The following POU2F2 variants were observed in gnomAD, a reference collection of about 807,000 sequenced individuals.
POU2F2 encodes POU class 2 homeobox 2, also known as POU domain, class 2, transcription factor 2.
In POU2F2, 14 loss-of-function variants were observed where a neutral mutation model predicts 63.5. The observed-to-expected ratio is 0.22, with a 90% CI of 0.15 to 0.34. The LOEUF (loss-of-function observed/expected upper bound fraction) is 0.34, where lower values mean the gene tolerates loss of function less well. Ranked by LOEUF, POU2F2 falls within the 10% of genes least tolerant of loss-of-function variation. The pLI is 1.00. For missense variants in POU2F2, 607 were observed against 815.2 expected, an observed-to-expected ratio of 0.74 and a Z score of 3.11; for synonymous variants, 306 against 348.6, an observed-to-expected ratio of 0.88 and a Z score of 1.36.
At chr19:42,130,873 T>A (rs947922616) in intron 1 of POU2F2, among the ~76,000 whole-genome samples, 2 of 136,898 alleles carry the variant, frequency 1.5e-5, no homozygotes, top group East Asian at 2.2e-4. Flanking sequence ...GCCCAACCCC[T>A]CTACCTATGT....
chr19:42,095,975 TC>T lies in POU2F2; in HGVS notation c.730-47del. 2 of 1,601,188 alleles carry T rather than the reference TC, an allele frequency of 1.2e-6. No homozygotes were observed. The highest frequency in any genetic ancestry group is 1.7e-6 in the Non-Finnish European group (2 of 1,173,428). ...AGGGCCCGAAGTCAGGGTGGGGCCT[TC>T]CGGCACTGGGCCCGCTCCGCCCGCC... On this transcript the variant is annotated intron_variant, in intron 8 of 14. Coordinates refer to ENST00000692977, the MANE Select transcript of POU2F2 (RefSeq NM_001394376.1). This position sits in a 1 kb window ranked among gnomAD's most constrained non-coding sequence, Gnocchi z 7.1.
At chr19:42,098,487 AC>A (rs2077009375) in intron 7 of POU2F2, among the ~76,000 whole-genome samples, 1 of 150,974 alleles carries the variant, frequency 6.6e-6, no homozygotes, top group African/African-American at 2.4e-5. Flanking sequence ...CCCGGCCCCC[AC>A]CCCCACTAGG....
At chr19:42,099,937 TGG>T in intron 5 of POU2F2, 116 bp from the exon 6 acceptor site, 1 of 800,836 alleles carries the variant, frequency 1.2e-6, no homozygotes, top group Non-Finnish European at 2.0e-6. Flanking sequence ...CATGGCGATC[TGG>T]CACTGGGCAG....
chr19:42,181,760 T>C (rs1289899342), intron 1 of POU2F2, among the ~76,000 whole-genome samples: 5 of 152,014 alleles, frequency 3.3e-5, no homozygotes, highest in Non-Finnish European at 5.9e-5. Flanking sequence ...CTAATTTTTG[T>C]ATTTTTTAGT....
At chr19:42,170,233 G>A (rs1181740594) in intron 1 of POU2F2, among the ~76,000 whole-genome samples, 1 of 151,966 alleles carries the variant, frequency 6.6e-6, no homozygotes, top group Non-Finnish European at 1.5e-5. Context: ...CATGCTCCGA[G>A]GGAGATGCTG....
At chr19:42,177,058 G>A (rs1433791198), upstream of POU2F2, 1 of 151,634 alleles carries the variant, frequency 6.6e-6, no homozygotes, top group Non-Finnish European at 1.5e-5. Context: ...GAGGGAGGAA[G>A]GGAGGGCAGG....
rs1238059660 is a variant in POU2F2, at chr19:42,089,301, G to A, written c.*1956C>T. ...AGGAAGGAGGGGAGGAGAGAGGTCA[G>A]ACAAAAGAGAACCGAAAAAGAAATC... On this transcript the variant is annotated 3_prime_UTR_variant, in exon 15 of 15. Transcript: ENST00000692977. 1 of 152,586 alleles carries A rather than the reference G, an allele frequency of 6.6e-6. No homozygotes were observed. The highest frequency in any genetic ancestry group is 1.5e-5 in the Non-Finnish European group (1 of 68,030). The allele number at this position is 152,586 out of a possible 1,614,324, so 9.5% of individuals were successfully genotyped here.
intron 1 of POU2F2, among the ~76,000 whole-genome samples, chr19:42,168,903 G>A (rs2034703375): frequency 6.6e-6 from 1 of 152,122 alleles, no homozygotes; most frequent in Non-Finnish European, 1.5e-5. Context: ...CCCTCCTGTA[G>A]CCCCTTTTTC....
chr19:42,151,622 G>C (rs965031478), intron 2 of POU2F2, among the ~76,000 whole-genome samples: 1 of 152,224 alleles, frequency 6.6e-6, no homozygotes, highest in South Asian at 2.1e-4. Context: ...GGATGGGGGT[G>C]GGGGGAAACT....
At chr19:42,176,973 G>A (rs2034895804), upstream of POU2F2, among the ~76,000 whole-genome samples, 1 of 146,848 alleles carries the variant, frequency 6.8e-6, no homozygotes, top group Admixed American at 6.8e-5. Context: ...ATATTAATAT[G>A]CAAAGTTTTA....
At chr19:42,161,035 G>A (rs1268135471) in intron 1 of POU2F2, among the ~76,000 whole-genome samples, 1 of 152,172 alleles carries the variant, frequency 6.6e-6, no homozygotes, top group East Asian at 1.9e-4. Flanking sequence ...AATTAGACAA[G>A]GTCTCTGCTC....
intron 2 of POU2F2, among the ~76,000 whole-genome samples, chr19:42,154,928 G>A (rs1181665332): frequency 3.9e-5 from 6 of 152,144 alleles, no homozygotes; most frequent in East Asian, 3.9e-4. Context: ...AGCCAGAGCC[G>A]ACTGGGACCT....
intron 12 of POU2F2, 106 bp downstream of exon 12, chr19:42,093,723 G>T: frequency 1.7e-6 from 2 of 1,164,186 alleles, no homozygotes; most frequent in Non-Finnish European, 2.5e-6. Flanking sequence ...CACTCCCCAG[G>T]CCCAGTCTTG....
rs200818855 is a variant in POU2F2, at chr19:42,130,096, A to C, written c.28+2288T>G. On this transcript the variant is annotated intron_variant, in intron 1 of 14. Transcript: ENST00000692977. The stretch of plus-strand genomic sequence containing the variant: ...CACACTCTCACACTGAGTGACACAC[A>C]GCCAGCCAGACACACGTAAAAAGTA... Among the ~76,000 whole-genome samples, 38 of 152,280 alleles carry C rather than the reference A, an allele frequency of 2.5e-4. No homozygotes were observed. The East Asian group carries it at 6.2e-3, about 25-fold the overall frequency.
chr19:42,192,808 G>C (rs1973763856), intron 1 of POU2F2, among the ~76,000 whole-genome samples: 1 of 152,134 alleles, frequency 6.6e-6, no homozygotes, highest in Non-Finnish European at 1.5e-5. Flanking sequence ...TAAAGCATCT[G>C]ACAACACATA....
chr19:42,196,922 C>T (rs2035155988), upstream of POU2F2, among the ~76,000 whole-genome samples: 1 of 152,198 alleles, frequency 6.6e-6, no homozygotes, highest in Non-Finnish European at 1.5e-5. Flanking sequence ...GGGGAGGTGA[C>T]CCAGAGAATG....
At chr19:42,178,548 G>A (rs1010929453), upstream of POU2F2, among the ~76,000 whole-genome samples, 27 of 149,960 alleles carry the variant, frequency 1.8e-4, no homozygotes, top group Non-Finnish European at 3.8e-4. Context: ...AGAAAGAGCC[G>A]TTGAAAGAGC....
intron 1 of POU2F2, among the ~76,000 whole-genome samples, chr19:42,171,234 C>T (rs1046475484): frequency 6.6e-6 from 1 of 152,076 alleles, no homozygotes; most frequent in African/African-American, 2.4e-5. Flanking sequence ...TGTGGAAGTC[C>T]GCTTGTAGGT....
Position 42,116,838 on chromosome 19 carries a change from A to AGAGGAG in POU2F2, c.369+406_369+411dup, listed in dbSNP as rs748467945. ...GGGGCTGTGAGGTCGAGGAGGAGGC[A>AGAGGAG]GAGGAGGAGGAGGAGGAGGAAGTAG... On this transcript the variant is annotated intron_variant, in intron 5 of 14. Coordinates refer to ENST00000692977, the MANE Select transcript of POU2F2 (RefSeq NM_001394376.1). 3.6e-4 allele frequency: 142 copies of AGAGGAG among 397,870 alleles called. 1 individual carries two copies. The highest frequency in any genetic ancestry group is 2.5e-3 in the South Asian group (138 of 54,892). The allele number at this position is 397,870 out of a possible 1,614,324, so 24.6% of individuals were successfully genotyped here.
Sources: allele counts gnomAD v4.1 joint callset (sites outside exome capture counted in the v4.1 genomes callset), GRCh38; gene constraint gnomAD v4.1.1; non-coding constraint Gnocchi (gnomAD v3.1); transcripts MANE v1.5; gene names NCBI Gene and HGNC (gene_info 2026-07-23, HGNC 2026-07-21).